Variants in SETBP1 observed in about 807,000 individuals in gnomAD.
SETBP1 encodes the protein SET-binding protein.
A neutral mutation model predicts 101.0 loss-of-function variants in SETBP1; 9 were observed. That is an observed-to-expected ratio of 0.09 (90% CI 0.05 to 0.16). The LOEUF (loss-of-function observed/expected upper bound fraction) is 0.16. Ranked by LOEUF, SETBP1 falls within the 10% of genes least tolerant of loss-of-function variation. The pLI, the probability that SETBP1 is intolerant of heterozygous loss-of-function variation, is 1.00. For synonymous variants in SETBP1, 818 were observed against 788.5 expected, an observed-to-expected ratio of 1.04 and a Z score of -0.63; for missense variants, 1,858 against 2,033.8, an observed-to-expected ratio of 0.91 and a Z score of 1.66.
chr18:44,698,833 GA>G (rs542870367), intron 1 of SETBP1, among the ~76,000 whole-genome samples: 4 of 152,118 alleles, frequency 2.6e-5, no homozygotes, highest in South Asian at 4.1e-4. Flanking sequence ...TTTGAGAACA[GA>G]AAAAAATTTT....
At chr18:44,967,632 G>C (rs2071749830) in intron 4 of SETBP1, among the ~76,000 whole-genome samples, 1 of 152,180 alleles carries the variant, frequency 6.6e-6, no homozygotes, top group African/African-American at 2.4e-5. Context: ...CACCTCAGAG[G>C]TCAATCTAAT....
Position 44,783,865 on chromosome 18 carries a change from G to T in SETBP1, c.486+82033G>T, listed in dbSNP as rs147686573. Among the ~76,000 whole-genome samples the T allele has an allele frequency of 3.2e-4, 49 of 152,300 alleles. No homozygotes were observed. The East Asian group carries it at 9.3e-3, about 29-fold the overall frequency. On this transcript the variant is annotated intron_variant, in intron 2 of 5. Transcript: ENST00000649279. ...AATTCTTATCTCCATGGTGCTAATG[G>T]CACTAATTCTTTATATTAAGCCTTG...
At position 44,788,797 on chromosome 18, in the gene SETBP1, T is replaced by A. The variant is rs868360234; in HGVS notation, c.487-80433T>A. ...TTTTTTTTTTCCTTTTTAATTTTTT[T>A]TTTTTTTTTTTTTTTTTGGAGACAG... On this transcript the variant is annotated intron_variant, in intron 2 of 5. Transcript: ENST00000649279. Among the ~76,000 whole-genome samples, 830 of 140,156 alleles carry A rather than the reference T, an allele frequency of 5.9e-3. 7 individuals carry two copies. The highest frequency in any genetic ancestry group is 0.021 in the African/African-American group (785 of 37,150). 91.9% of individuals were successfully genotyped at this position (140,156 alleles called of 152,430 possible).
intron 2 of SETBP1, among the ~76,000 whole-genome samples, chr18:44,849,772 C>T (rs2072809795): frequency 6.6e-6 from 1 of 151,916 alleles, no homozygotes; most frequent in African/African-American, 2.4e-5. Flanking sequence ...GCCTCAGATC[C>T]CATACCTTCA....
intron 3 of SETBP1, among the ~76,000 whole-genome samples, chr18:44,885,857 C>CAAAAAAAAAAAAAAAAAAAAAAAA (rs1555696149): frequency 1.3e-5 from 1 of 78,158 alleles, no homozygotes; most frequent in South Asian, 4.1e-4. Flanking sequence ...AAAAAAAAAA[C>CAAAAAAAAAAAAAAAAAAAAAAAA]AAAAAAAAAA....
At chr18:44,935,162 C>T (rs376520480) in intron 3 of SETBP1, among the ~76,000 whole-genome samples, 16 of 152,280 alleles carry the variant, frequency 1.1e-4, no homozygotes, top group African/African-American at 3.9e-4. Flanking sequence ...GGGACTTACA[C>T]TAAATGAGTG....
At position 44,975,916 on chromosome 18, in the gene SETBP1, A is replaced by G. The variant is rs533236537; in HGVS notation, c.4000+22576A>G. Among the ~76,000 whole-genome samples, 21 of 152,334 alleles carry G rather than the reference A, an allele frequency of 1.4e-4. No individual in the cohort carries two copies. In the East Asian group the frequency reaches 3.9e-3, roughly 28 times the overall value. ...AGTGTCCTTGCTGACATGAAGCAGTAGTGGCCAAGCCTGGACCAGAATACA... is the reference window on the plus strand; with the variant it reads ...AGTGTCCTTGCTGACATGAAGCAGTGGTGGCCAAGCCTGGACCAGAATACA... On this transcript the variant is annotated intron_variant, in intron 4 of 5. Transcript: ENST00000649279.
intron 2 of SETBP1, among the ~76,000 whole-genome samples, chr18:44,743,149 C>T (rs1378898729): frequency 1.3e-5 from 2 of 151,562 alleles, no homozygotes; most frequent in African/African-American, 2.4e-5. Context: ...TTTGCTCTTT[C>T]TCTCTCTCTC....
intron 4 of SETBP1, among the ~76,000 whole-genome samples, chr18:45,017,823 C>A (rs2072979499): frequency 1.3e-5 from 2 of 152,240 alleles, no homozygotes; most frequent in Admixed American, 6.5e-5. Context: ...CCCTACCTCA[C>A]TTTAGCACGT....
At chr18:44,709,368 A>T (rs1599017021) in intron 2 of SETBP1, among the ~76,000 whole-genome samples, 2 of 152,224 alleles carry the variant, frequency 1.3e-5, no homozygotes, top group East Asian at 3.8e-4. Context: ...GGTCTATTAG[A>T]AAGAGCCTCC....
chr18:44,995,879 T>A (rs1430531918), intron 4 of SETBP1, among the ~76,000 whole-genome samples: 1 of 152,164 alleles, frequency 6.6e-6, no homozygotes, highest in Admixed American at 6.5e-5. Flanking sequence ...CCTAAACACT[T>A]CCCATTAGGC....
chr18:44,852,540 G>T (rs1037602112), intron 2 of SETBP1, among the ~76,000 whole-genome samples: 1 of 152,102 alleles, frequency 6.6e-6, no homozygotes, highest in Non-Finnish European at 1.5e-5. Flanking sequence ...TATCAGGGCT[G>T]GTAGGGATAA....
At chr18:45,025,130 G>A (rs973058745) in intron 4 of SETBP1, among the ~76,000 whole-genome samples, 5 of 152,172 alleles carry the variant, frequency 3.3e-5, no homozygotes, top group Non-Finnish European at 7.3e-5. Flanking sequence ...GCCGAGGAAG[G>A]CAGCTGGGGT....
intron 3 of SETBP1, among the ~76,000 whole-genome samples, chr18:44,893,685 G>T (rs595045): frequency 0.54 from 81,774 of 151,564 alleles, 22,073 homozygotes; most frequent in Non-Finnish European, 0.55. Context: ...TTCAATTTAG[G>T]GGGTCAATAT....
intron 2 of SETBP1, among the ~76,000 whole-genome samples, chr18:44,721,183 T>C (rs1342659026): frequency 6.6e-6 from 1 of 152,178 alleles, no homozygotes; most frequent in Non-Finnish European, 1.5e-5. Flanking sequence ...AAGAAGTAAT[T>C]GATTTCTTTT....
At chr18:44,917,550 T>C (rs1348023874) in intron 3 of SETBP1, among the ~76,000 whole-genome samples, 1 of 152,146 alleles carries the variant, frequency 6.6e-6, no homozygotes, top group African/African-American at 2.4e-5. Context: ...AGTTACTGAG[T>C]GAGTTGTCTT....
chr18:45,053,032 T>C (rs1165407156), intron 5 of SETBP1, among the ~76,000 whole-genome samples: 1 of 152,180 alleles, frequency 6.6e-6, no homozygotes, highest in Non-Finnish European at 1.5e-5. Flanking sequence ...CAATTCCACA[T>C]AGCCTTGGCC....
intron 3 of SETBP1, among the ~76,000 whole-genome samples, chr18:44,932,927 T>C (rs780818704): frequency 6.6e-6 from 1 of 152,214 alleles, no homozygotes; most frequent in Non-Finnish European, 1.5e-5. Flanking sequence ...TTATTACCGA[T>C]CATTTGAAGC....
rs1188330743 is a variant in SETBP1, at chr18:45,066,052, A to G, written c.*2354A>G. The G allele has an allele frequency of 6.6e-6, 1 of 152,112 alleles. No homozygotes were observed. The highest frequency in any genetic ancestry group is 2.4e-5 in the African/African-American group (1 of 41,408). 9.4% of individuals were successfully genotyped at this position (152,112 alleles called of 1,614,324 possible). A position where few individuals can be genotyped will look rare whatever the true frequency, so the allele number is the denominator to read the frequency against. On this transcript the variant is annotated 3_prime_UTR_variant, in exon 6 of 6. Coordinates refer to ENST00000649279, the MANE Select transcript of SETBP1 (RefSeq NM_015559.3). ...CCTGTGTTGTACTATCTCTCCAACC[A>G]CGTCTATAAGCAGACTCAATCTTCT...
Sources: gnomAD v4.1 joint callset for allele counts (sites outside exome capture counted in the v4.1 genomes callset) on GRCh38, gnomAD v4.1.1 for gene constraint, MANE v1.5 for transcripts, NCBI Gene and HGNC (gene_info 2026-07-23, HGNC 2026-07-21) for gene names.